The following PARD3B variants were observed in gnomAD, a reference collection of about 807,000 sequenced individuals.
PARD3B encodes par-3 family cell polarity regulator beta.
Under a neutral mutation model 130.2 loss-of-function variants are expected in PARD3B, and 103 were observed. The ratio of observed to expected loss-of-function variants is 0.79; its 90% confidence interval spans 0.67 to 0.93. The LOEUF (loss-of-function observed/expected upper bound fraction) is 0.93, where lower values mean the gene tolerates loss of function less well. Ranked by LOEUF, PARD3B falls within the 40% of genes least tolerant of loss-of-function variation. The pLI is 0.00. For missense variants in PARD3B, 1,609 were observed against 1,499.2 expected, an observed-to-expected ratio of 1.07 and a Z score of -1.21; for synonymous variants, 583 against 553.2, an observed-to-expected ratio of 1.05 and a Z score of -0.76.
rs1270060448 is a variant in PARD3B at position 204,545,644 on chromosome 2, CA to C, written c.-355del. 5.5e-6 allele frequency: 1 copy of C among 182,302 alleles called. No individual in the cohort carries two copies. The highest frequency in any genetic ancestry group is 1.1e-5 in the Non-Finnish European group (1 of 88,306). The allele number at this position is 182,302 out of a possible 1,614,324, so 11.3% of individuals were successfully genotyped here. On this transcript the variant is annotated 5_prime_UTR_variant, in exon 1 of 23. Coordinates refer to ENST00000406610, the MANE Select transcript of PARD3B (RefSeq NM_001302769.2). ...CCAGGGCCAGGGCCAGGACCAGCGA[CA>C]GGGCAGGGCCGGCAGTTTCGCTTTG...
chr2:205,038,245 C>G (rs1698152626), intron 3 of PARD3B, among the ~76,000 whole-genome samples: 1 of 152,144 alleles, frequency 6.6e-6, no homozygotes, highest in African/African-American at 2.4e-5. Flanking sequence ...CAAAATCCTT[C>G]CTTTCATCTC....
intron 2 of PARD3B, among the ~76,000 whole-genome samples, chr2:204,956,001 GATCTGTT>G (rs1424745144): frequency 6.6e-6 from 1 of 152,254 alleles, no homozygotes; most frequent in African/African-American, 2.4e-5. Flanking sequence ...ACCACACCCA[GATCTGTT>G]TGCTGGAAAG....
chr2:204,956,383 A>G, intron 2 of PARD3B, among the ~76,000 whole-genome samples: 1 of 152,208 alleles, frequency 6.6e-6, no homozygotes, highest in Non-Finnish European at 1.5e-5. Context: ...AGTGCTTTAT[A>G]CTTTAGAAAT....
At chr2:204,597,242 G>A (rs2033335784) in intron 1 of PARD3B, among the ~76,000 whole-genome samples, 1 of 151,402 alleles carries the variant, frequency 6.6e-6, no homozygotes, top group African/African-American at 2.4e-5. Context: ...TTCTTATGTG[G>A]CAGGAGCCGA....
intron 20 of PARD3B, among the ~76,000 whole-genome samples, chr2:205,455,655 TTATA>T (rs892345670): frequency 2.0e-5 from 3 of 151,642 alleles, no homozygotes; most frequent in Non-Finnish European, 4.4e-5. Context: ...TTATATATAG[TTATA>T]TAGTTATTTT....
At chr2:205,522,165 CTTAA>C (rs148568373) in intron 21 of PARD3B, among the ~76,000 whole-genome samples, 1 of 149,952 alleles carries the variant, frequency 6.7e-6, no homozygotes, top group East Asian at 2.0e-4. Flanking sequence ...TTTATTTTTA[CTTAA>C]TTATTGTTTC....
intron 15 of PARD3B, among the ~76,000 whole-genome samples, chr2:205,198,772 A>T (rs1574361777): frequency 6.6e-6 from 1 of 152,182 alleles, no homozygotes; most frequent in East Asian, 1.9e-4. Flanking sequence ...TGAATTATTG[A>T]TAATAAAGAC....
chr2:205,192,489 T>C (rs2036450679), intron 14 of PARD3B, among the ~76,000 whole-genome samples: 1 of 152,204 alleles, frequency 6.6e-6, no homozygotes. Context: ...TAAGTCATTG[T>C]CTGTAATTCT....
intron 8 of PARD3B, among the ~76,000 whole-genome samples, chr2:205,123,810 A>G (rs2125627381): frequency 6.6e-6 from 1 of 152,238 alleles, no homozygotes; most frequent in Non-Finnish European, 1.5e-5. Flanking sequence ...CTTTAGACTG[A>G]GTGAAAAATA....
rs2048431237 is a variant in PARD3B, at chr2:205,461,007, T to G, written c.3044+20335T>G. 6.6e-6 allele frequency among the ~76,000 whole-genome samples: 1 copy of G among 152,184 alleles called. No individual in the cohort carries two copies. The highest frequency in any genetic ancestry group is 1.5e-5 in the Non-Finnish European group (1 of 68,024). ...TAACAGTCATTTGATTTCCATAACA[T>G]TCATTAAATTAATGAATCTCCATTC... On this transcript the variant is annotated intron_variant, in intron 20 of 22. Transcript: ENST00000406610. The surrounding 1 kb of genome is among the most constrained non-coding windows in gnomAD (Gnocchi z 4.3).
chr2:204,699,414 G>T (rs1434447417), intron 2 of PARD3B, among the ~76,000 whole-genome samples: 1 of 152,092 alleles, frequency 6.6e-6, no homozygotes, highest in Non-Finnish European at 1.5e-5. Context: ...TGGCTACATG[G>T]CTGTCAAAAT....
chr2:205,399,207 T>C (rs1299050552), intron 18 of PARD3B, among the ~76,000 whole-genome samples: 1 of 150,914 alleles, frequency 6.6e-6, no homozygotes, highest in Non-Finnish European at 1.5e-5. Context: ...GAGGCAGAGG[T>C]TGCAGTGAGC....
intron 2 of PARD3B, among the ~76,000 whole-genome samples, chr2:204,694,244 C>T (rs1220497705): frequency 1.3e-5 from 2 of 152,060 alleles, no homozygotes; most frequent in African/African-American, 4.8e-5. Context: ...TGTAAATCAT[C>T]TCAATCTAAA....
At chr2:204,696,831 T>A (rs1277795220) in intron 2 of PARD3B, among the ~76,000 whole-genome samples, 9 of 152,100 alleles carry the variant, frequency 5.9e-5, no homozygotes, top group Non-Finnish European at 1.3e-4. Context: ...ATGTTATGAA[T>A]CAGTTTTGAA....
chr2:205,037,547 G>A (rs1423150066), intron 3 of PARD3B, among the ~76,000 whole-genome samples: 1 of 147,416 alleles, frequency 6.8e-6, no homozygotes, highest in Non-Finnish European at 1.5e-5. Flanking sequence ...CTATACATAT[G>A]TAAAATATAT....
chr2:204,747,808 A>C (rs2040303776), intron 2 of PARD3B, among the ~76,000 whole-genome samples: 1 of 152,142 alleles, frequency 6.6e-6, no homozygotes, highest in Non-Finnish European at 1.5e-5. Context: ...ATAAGCATTA[A>C]AAATAAAAAT....
chr2:204,801,306 G>A (rs188066727), intron 2 of PARD3B, among the ~76,000 whole-genome samples: 27 of 152,278 alleles, frequency 1.8e-4, no homozygotes, highest in Admixed American at 1.4e-3. Context: ...ACTTTGGGCA[G>A]TATGGCCATT....
chr2:205,191,485 CAG>C (rs1482023843), intron 14 of PARD3B, among the ~76,000 whole-genome samples: 1 of 152,052 alleles, frequency 6.6e-6, no homozygotes, highest in East Asian at 1.9e-4. Context: ...CTGACAAAAA[CAG>C]AGATGTCAAA....
rs75509388 is a variant in PARD3B, at chr2:205,525,167, T to C, written c.3180+25136T>C. 0.016 allele frequency among the ~76,000 whole-genome samples: 2,438 copies of C among 152,266 alleles called. 55 individuals are homozygous for C. Among genetic ancestry groups the C allele is most frequent in the African/African-American group, 0.054 (2,258 of 41,546 alleles). On this transcript the variant is annotated intron_variant, in intron 21 of 22. Transcript: ENST00000406610. This position sits in a 1 kb window ranked among gnomAD's most constrained non-coding sequence, Gnocchi z 4.2. ...AGCTCATGGTATGACTGGAAAATAC[T>C]AGGGCTTTTTTCCCCTCCTACATGG...
Sources: allele counts gnomAD v4.1 joint callset (sites outside exome capture counted in the v4.1 genomes callset), GRCh38; gene constraint gnomAD v4.1.1; non-coding constraint Gnocchi (gnomAD v3.1); transcripts MANE v1.5; gene names NCBI Gene and HGNC (gene_info 2026-07-23, HGNC 2026-07-21).